Variants in FNIP1 observed in about 807,000 individuals in gnomAD.
The protein encoded by FNIP1 is folliculin interacting protein 1, also known as folliculin-interacting protein 1.
In FNIP1, 40 loss-of-function variants were observed where a neutral mutation model predicts 124.5. The ratio of observed to expected loss-of-function variants is 0.32; its 90% CI spans 0.25 to 0.42. FNIP1 has a LOEUF of 0.42. Ranked by LOEUF, FNIP1 falls within the 10% of genes least tolerant of loss-of-function variation. FNIP1 has a pLI of 1.00. For missense variants in FNIP1, 1,176 were observed against 1,403.7 expected, an observed-to-expected ratio of 0.84 and a Z score of 2.59; for synonymous variants, 472 against 470.6, an observed-to-expected ratio of 1.00 and a Z score of -0.04.
Position 131,719,339 on chromosome 5 carries a change from T to C in FNIP1, c.433A>G (p.Thr145Ala), listed in dbSNP as rs141215223. The C allele has an allele frequency of 6.2e-7, 1 of 1,611,602 alleles. No individual in the cohort carries two copies. The highest frequency in any genetic ancestry group is 8.5e-7 in the Non-Finnish European group (1 of 1,179,398). Residue 145 changes from threonine (T) to alanine (A), a missense_variant, in exon 4 of 18, where the codon ACC becomes GCC. Coordinates refer to ENST00000510461, the MANE Select transcript of FNIP1 (RefSeq NM_133372.3). ...GSVAMSYKGS[T>A]LKIHQIRSPP... is the part of the protein sequence containing the mutation. ...CACCGAATCTGATGAATTTTTAAGG[T>C]GGATCCTTTGTAGCTCATTGCTACT...
At chr5:131,771,357 C>A (rs550678168) in intron 1 of FNIP1, among the ~76,000 whole-genome samples, 12 of 152,272 alleles carry the variant, frequency 7.9e-5, no homozygotes, top group African/African-American at 2.9e-4. Flanking sequence ...TAATAACCAT[C>A]ATACTCTTAA....
chr5:131,796,916 GGCCATGCTA>G lies in FNIP1; in HGVS notation c.-4_5del. Reference sequence around the variant, plus strand: ...TGAAGAGCTTCTGGAACAGCGTAGGGGCCATGCTAGCCACGGCCAGGCAGGGGTCGCTCC... The same window carrying G: ...TGAAGAGCTTCTGGAACAGCGTAGGGGCCACGGCCAGGCAGGGGTCGCTCC... On this transcript the variant is annotated start_lost and 5_prime_UTR_variant, in exon 1 of 18. Coordinates refer to ENST00000510461, the MANE Select transcript of FNIP1 (RefSeq NM_133372.3). 6.2e-7 allele frequency: 1 copy of G among 1,605,534 alleles called. No individual in the cohort carries two copies.
chr5:131,772,415 C>T (rs1349669639), intron 1 of FNIP1, among the ~76,000 whole-genome samples: 1 of 64,350 alleles, frequency 1.6e-5, no homozygotes, highest in African/African-American at 6.8e-5. Context: ...AAAACAAATT[C>T]AAACCAAAAA....
chr5:131,702,845 T>C (rs1768947883), intron 10 of FNIP1, among the ~76,000 whole-genome samples: 1 of 152,238 alleles, frequency 6.6e-6, no homozygotes, highest in Non-Finnish European at 1.5e-5. Context: ...TTTCTCCTAA[T>C]TGAATAGCCA....
chr5:131,752,145 G>A (rs934058640), intron 1 of FNIP1, among the ~76,000 whole-genome samples: 3 of 152,118 alleles, frequency 2.0e-5, no homozygotes, highest in East Asian at 1.9e-4. Flanking sequence ...TCCGGTTCGC[G>A]CCATTCTCCT....
intron 9 of FNIP1, among the ~76,000 whole-genome samples, chr5:131,705,111 A>G (rs1769051996): frequency 6.6e-6 from 1 of 152,142 alleles, no homozygotes; most frequent in Non-Finnish European, 1.5e-5. Flanking sequence ...TGCAGTTATA[A>G]TATGGGCAAA....
rs960323044 is a variant in FNIP1 at position 131,655,217 on chromosome 5, T to C, written c.3109-3218A>G. On this transcript the variant is annotated intron_variant, in intron 15 of 17. Coordinates refer to ENST00000510461, the MANE Select transcript of FNIP1 (RefSeq NM_133372.3). Reference sequence around the variant, plus strand: ...AGGCATGTCATGAATACATAAAATATATGTGGATGCATGCCACAGTAGTGT... The same window carrying C: ...AGGCATGTCATGAATACATAAAATACATGTGGATGCATGCCACAGTAGTGT... Among the ~76,000 whole-genome samples the C allele has an allele frequency of 7.9e-5, 12 of 152,180 alleles. No individual in the cohort carries two copies. The South Asian group carries it at 2.5e-3, about 32-fold the overall frequency.
rs565885428 is a variant in FNIP1, at chr5:131,745,002, T to C, written c.93-312A>G. Among the ~76,000 whole-genome samples the C allele has an allele frequency of 2.0e-5, 3 of 151,864 alleles. No individual in the cohort carries two copies. The East Asian group carries it at 5.8e-4, about 29-fold the overall frequency. On this transcript the variant is annotated intron_variant, in intron 1 of 17. Coordinates refer to ENST00000510461, the MANE Select transcript of FNIP1 (RefSeq NM_133372.3). ...ATAAGTATATTTAACATAATGAAAA[T>C]ATGTACTGATTTCATGTCATGGACC...
At chr5:131,732,311 T>C (rs1770121629) in intron 2 of FNIP1, among the ~76,000 whole-genome samples, 1 of 152,224 alleles carries the variant, frequency 6.6e-6, no homozygotes, top group South Asian at 2.1e-4. Context: ...AAAAATTACA[T>C]GTACTAGTCT....
intron 5 of FNIP1, among the ~76,000 whole-genome samples, chr5:131,718,583 T>C (rs527778221): frequency 1.3e-5 from 2 of 152,354 alleles, no homozygotes; most frequent in African/African-American, 4.8e-5. Context: ...TTATATAGTG[T>C]ATATGTGCAA....
chr5:131,694,830 T>A (rs1053047408), intron 11 of FNIP1, among the ~76,000 whole-genome samples: 1 of 151,976 alleles, frequency 6.6e-6, no homozygotes, highest in African/African-American at 2.4e-5. Flanking sequence ...TGACGCCAGG[T>A]GTGGTGGCTC....
intron 2 of FNIP1, among the ~76,000 whole-genome samples, chr5:131,739,822 A>C (rs1219265517): frequency 6.6e-6 from 1 of 151,050 alleles, no homozygotes. Flanking sequence ...CAAAAAAAAA[A>C]AAAAAAAAAA....
intron 2 of FNIP1, among the ~76,000 whole-genome samples, chr5:131,737,501 T>C (rs948325079): frequency 6.6e-6 from 1 of 152,164 alleles, no homozygotes; most frequent in African/African-American, 2.4e-5. Context: ...TGCTTCCTCT[T>C]TCACCTTAAC....
chr5:131,796,654 G>A, intron 1 of FNIP1, 176 bp downstream of exon 1: 1 of 601,412 alleles, frequency 1.7e-6, no homozygotes, highest in African/African-American at 1.9e-5. Flanking sequence ...TAAAAGGTAG[G>A]ACCTCGCTCC....
intron 1 of FNIP1, among the ~76,000 whole-genome samples, chr5:131,788,694 CA>C (rs10715343): frequency 0.16 from 9,148 of 58,212 alleles, 333 homozygotes; most frequent in African/African-American, 0.34. Context: ...GACTCTGTCT[CA>C]AAAAAAAAAA....
intron 1 of FNIP1, among the ~76,000 whole-genome samples, chr5:131,793,644 G>A (rs780021614): frequency 4.3e-4 from 66 of 152,116 alleles, no homozygotes; most frequent in Non-Finnish European, 7.9e-4. Context: ...TTCCAATGGG[G>A]TAACCATAAA....
chr5:131,675,813 A>C (rs1366433373), intron 13 of FNIP1, among the ~76,000 whole-genome samples: 2 of 152,160 alleles, frequency 1.3e-5, no homozygotes, highest in African/African-American at 4.8e-5. Flanking sequence ...TATGATTACC[A>C]TTTTGATTGT....
rs1280192162 is a variant in FNIP1 at position 131,698,822 on chromosome 5, A to G, written c.1202+95T>C. 11 of 1,084,282 alleles carry G rather than the reference A, an allele frequency of 1.0e-5. No homozygotes were observed. In the Admixed American group the frequency reaches 2.9e-4, roughly 28 times the overall value. The allele number at this position is 1,084,282 out of a possible 1,614,324, so 67.2% of individuals were successfully genotyped here. A position where few individuals can be genotyped will look rare whatever the true frequency, so the allele number is the denominator to read the frequency against. Reference sequence around the variant, plus strand: ...ACACCATCATATGACTATAGGACAAAGAAATCAAATTTTATTAGAACAAGT... The same window carrying G: ...ACACCATCATATGACTATAGGACAAGGAAATCAAATTTTATTAGAACAAGT... On this transcript the variant is annotated intron_variant, in intron 11 of 17. Transcript: ENST00000510461.
At chr5:131,752,530 T>C (rs1404295251) in intron 1 of FNIP1, among the ~76,000 whole-genome samples, 1 of 110,974 alleles carries the variant, frequency 9.0e-6, no homozygotes, top group Non-Finnish European at 1.9e-5. Flanking sequence ...ATTTTAAACC[T>C]GAACATCTAA....
Sources: allele counts gnomAD v4.1 joint callset (sites outside exome capture counted in the v4.1 genomes callset), GRCh38; gene constraint gnomAD v4.1.1; transcripts MANE v1.5; gene names NCBI Gene and HGNC (gene_info 2026-07-23, HGNC 2026-07-21).